PHF12: variants seen among roughly 807,000 people sequenced by gnomAD.
PHF12 encodes the protein PHD finger protein 12, also known as PHD factor 1.
A neutral mutation model predicts 99.8 loss-of-function variants in PHF12; 6 were observed. That is an observed-to-expected ratio of 0.06 (90% CI 0.03 to 0.12). The LOEUF (loss-of-function observed/expected upper bound fraction) is 0.12, where lower values mean the gene tolerates loss of function less well. PHF12 is among the 10% of genes least tolerant of loss of function. The probability of loss-of-function intolerance (pLI) is 1.00; values close to 1 mark genes in which losing one functional copy is unlikely to be tolerated. For missense variants in PHF12, 954 were observed against 1,300.1 expected (o/e 0.73, Z 4.09); for synonymous variants, 480 against 514.9 (o/e 0.93, Z 0.92).
At position 28,910,287 on chromosome 17, in the gene PHF12, G is replaced by A; in HGVS notation, c.2298C>T (p.Val766=). 6.2e-7 allele frequency: 1 copy of A among 1,614,208 alleles called. No individual in the cohort carries two copies. Among genetic ancestry groups the A allele is most frequent in the Non-Finnish European group, 8.5e-7 (1 of 1,180,036 alleles). Reference sequence around the variant, plus strand: ...TCCCGACACTGCCCGGTGAAGGTTGGACCCGGGAGGGGAAAAGCTGATGTA... The same window carrying A: ...TCCCGACACTGCCCGGTGAAGGTTGAACCCGGGAGGGGAAAAGCTGATGTA... ...QRIHQLFPSR[V]QPSPGSVGTH... is the part of the protein sequence containing the mutation. Residue 766 remains valine (V), a synonymous_variant, in exon 11 of 15, where the codon GTC becomes GTT. Transcript: ENST00000332830.
In PHF12 at chr17:28,906,053, T is replaced by C. The variant is rs955935813; in HGVS notation, c.*130A>G. The C allele has an allele frequency of 4.1e-5, 37 of 898,754 alleles. No individual in the cohort carries two copies. The highest frequency in any genetic ancestry group is 4.1e-4 in the African/African-American group (24 of 59,252). The allele number at this position is 898,754 out of a possible 1,614,324, so 55.7% of individuals were successfully genotyped here. On this transcript the variant is annotated 3_prime_UTR_variant, in exon 15 of 15. Coordinates refer to ENST00000332830, the MANE Select transcript of PHF12 (RefSeq NM_001033561.2). This position sits in a 1 kb window ranked among gnomAD's most constrained non-coding sequence, Gnocchi z 4.2. ...AAAACAGTCAAAAGGTTTTCTTCAT[T>C]TCATGCAAAGATTGTAGTTGAAGGG...
Position 28,906,876 on chromosome 17 carries a change from G to T in PHF12, c.2660C>A (p.Ala887Asp). ...CTTACTGATGACACTCTGCACTTTG[G>T]CAACAATACTGCTTGGGGGGGTTGG... The part of the protein sequence containing the change: ...TPPTPPSSIV[A>D]KVQSVIRRRR... Residue 887 changes from alanine (A) to aspartate (D), a missense_variant, in exon 14 of 15, where the codon GCC becomes GAC. This residue lies in a region of PHF12 where 136 missense variants were observed against 172.3 expected (regional missense o/e 0.79). Coordinates refer to ENST00000332830, the MANE Select transcript of PHF12 (RefSeq NM_001033561.2). This position sits in a 1 kb window ranked among gnomAD's most constrained non-coding sequence, Gnocchi z 4.2. The T allele has an allele frequency of 1.9e-6, 3 of 1,607,578 alleles. No homozygotes were observed. Among genetic ancestry groups the T allele is most frequent in the Non-Finnish European group, 2.5e-6 (3 of 1,177,084 alleles).
In PHF12 at chr17:28,907,644, G is replaced by A. The variant is rs1439604305; in HGVS notation, c.2487C>T (p.Asn829=). 1 of 1,613,956 alleles carries A rather than the reference G, an allele frequency of 6.2e-7. No homozygotes were observed. The highest frequency in any genetic ancestry group is 1.1e-5 in the South Asian group (1 of 91,074). The change falls in exon 13 of 15, where the codon AAC becomes AAT. Residue 829 remains asparagine (N), a synonymous_variant. Coordinates refer to ENST00000332830, the MANE Select transcript of PHF12 (RefSeq NM_001033561.2). Reference sequence around the variant, plus strand: ...CGGACACGTAGTTACAGTGACCATAGTTTGTAAGGCACACATCCATGTCAG... The same window carrying A: ...CGGACACGTAGTTACAGTGACCATAATTTGTAAGGCACACATCCATGTCAG... The part of the protein sequence containing the change: ...TGADMDVCLT[N]YGHCNYVSGK...
In PHF12 at chr17:28,949,744, C is replaced by T; in HGVS notation, c.248+321G>A. The stretch of plus-strand genomic sequence containing the variant: ...CAGGCAAGCGGCACTGGGCCCGGAG[C>T]TCCTCCCCTTCCTCCCCCGCCACTG... On this transcript the variant is annotated intron_variant, in intron 2 of 14. Coordinates refer to ENST00000332830, the MANE Select transcript of PHF12 (RefSeq NM_001033561.2). This position sits in a 1 kb window ranked among gnomAD's most constrained non-coding sequence, Gnocchi z 4.6. 1 of 237,158 alleles carries T rather than the reference C, an allele frequency of 4.2e-6. No individual in the cohort carries two copies. The highest frequency in any genetic ancestry group is 1.0e-4 in the South Asian group (1 of 9,902). 14.7% of individuals were successfully genotyped at this position (237,158 alleles called of 1,614,324 possible).
rs371345741 is a variant in PHF12, at chr17:28,938,884, GC to G, written c.248+11180del. Among the ~76,000 whole-genome samples, 68 of 152,264 alleles carry G rather than the reference GC, an allele frequency of 4.5e-4. No homozygotes were observed. In the East Asian group the frequency reaches 0.011, roughly 25 times the overall value. On this transcript the variant is annotated intron_variant, in intron 2 of 14. Coordinates refer to ENST00000332830, the MANE Select transcript of PHF12 (RefSeq NM_001033561.2). ...TATGAGTTGAACATACTTCTCCAGAGCCATGATTTTCCCCTTTGGTCCACTT... is the reference window on the plus strand; with the variant it reads ...TATGAGTTGAACATACTTCTCCAGAGCATGATTTTCCCCTTTGGTCCACTT...
Position 28,917,405 on chromosome 17 carries a change from A to G in PHF12, c.1014T>C (p.Phe338=). The G allele has an allele frequency of 6.2e-7, 1 of 1,613,946 alleles. No homozygotes were observed. Among genetic ancestry groups the G allele is most frequent in the Non-Finnish European group, 8.5e-7 (1 of 1,179,904 alleles). Reference sequence around the variant, plus strand: ...GCGAAACGGTGTCCTGGAAACGATCAAACACCTGGCACCGATTGCTCAGTG... The same window carrying G: ...GCGAAACGGTGTCCTGGAAACGATCGAACACCTGGCACCGATTGCTCAGTG... ...NMTLSNRCQV[F]DRFQDTVSQH... Residue 338 remains phenylalanine (F), a synonymous_variant, in exon 7 of 15, where the codon TTT becomes TTC. Coordinates refer to ENST00000332830, the MANE Select transcript of PHF12 (RefSeq NM_001033561.2).
chr17:28,912,150 T>A (rs1286306392), intron 9 of PHF12: 1 of 1,129,194 alleles, frequency 8.9e-7, no homozygotes, highest in East Asian at 4.9e-5. Flanking sequence ...CCCTGCCTTC[T>A]TTTAAGGTGA....
At chr17:28,923,653 C>CAGAAAAAAAAAAAAAAAAAA (rs2040209097) in intron 4 of PHF12, among the ~76,000 whole-genome samples, 1 of 43,488 alleles carries the variant, frequency 2.3e-5, no homozygotes, top group Non-Finnish European at 4.1e-5. Flanking sequence ...GTGAGACTCA[C>CAGAAAAAAAAAAAAAAAAAA]AAAAAAAAAA....
chr17:28,908,989 C>T (rs2152655582), intron 11 of PHF12, 108 bp from the exon 12 acceptor site: 1 of 1,002,518 alleles, frequency 1.0e-6, no homozygotes, highest in Non-Finnish European at 1.5e-6. Flanking sequence ...GAAAATCCCG[C>T]TGGATGACTC....
chr17:28,932,763 T>C (rs149151715), intron 2 of PHF12, among the ~76,000 whole-genome samples: 4 of 152,060 alleles, frequency 2.6e-5, no homozygotes, highest in Admixed American at 6.5e-5. Flanking sequence ...CTGGCCAACA[T>C]GGCAAAACCC....
Position 28,906,245 on chromosome 17 carries a change from C to A in PHF12, c.2953G>T (p.Ala985Ser), listed in dbSNP as rs113754622. ...DASLLQDGVL[A>S]EKLSLKPHQG... ...TGGGGCTTGAGAGAGAGCTTCTCGG[C>A]CAAGACCCCATCCTGCAGCAGGCTG... is the stretch of plus-strand genomic sequence containing the variant. The change falls in exon 15 of 15, where the codon GCC becomes TCC. Residue 985 changes from alanine to serine, a missense_variant. Physicochemically the swap from Ala to Ser is moderately conservative, Grantham distance 99. Around this residue, in one of 8 missense-constraint regions of PHF12, gnomAD observed 136 missense variants for 172.3 expected, o/e 0.79. Transcript: ENST00000332830. The surrounding 1 kb of genome is among the most constrained non-coding windows in gnomAD (Gnocchi z 4.2). The A allele has an allele frequency of 3.1e-6, 5 of 1,613,150 alleles. 1 individual carries two copies. The African/African-American group carries it at 5.3e-5, about 17-fold the overall frequency.
At chr17:28,907,368 C>T in intron 13 of PHF12, 1 of 565,002 alleles carries the variant, frequency 1.8e-6, no homozygotes, top group Non-Finnish European at 3.1e-6. Flanking sequence ...CTGTGACTAA[C>T]CTCAGGAAAA....
intron 2 of PHF12, among the ~76,000 whole-genome samples, chr17:28,938,952 G>T (rs8076046): frequency 2.0e-5 from 3 of 152,142 alleles, no homozygotes; most frequent in African/African-American, 4.8e-5. Flanking sequence ...TCACCCTAAA[G>T]GTCTGCATGT....
intron 10 of PHF12, chr17:28,910,664 G>T (rs1034920226): frequency 4.3e-6 from 2 of 460,150 alleles, no homozygotes; most frequent in South Asian, 2.5e-5. Flanking sequence ...GCCTGTCTGT[G>T]GGGGAGGGCC....
At chr17:28,918,312 G>C (rs1420725934) in intron 6 of PHF12, among the ~76,000 whole-genome samples, 1 of 152,066 alleles carries the variant, frequency 6.6e-6, no homozygotes, top group African/African-American at 2.4e-5. Flanking sequence ...TGGTTCATCA[G>C]GAAGCAAAAC....
chr17:28,907,243 A>G (rs1390196947), intron 13 of PHF12: 1 of 535,142 alleles, frequency 1.9e-6, no homozygotes, highest in Non-Finnish European at 3.3e-6. Context: ...TCCTCTTGGT[A>G]TGATACTCAC....
Position 28,908,962 on chromosome 17 carries a change from T to C in PHF12, c.2360-81A>G, listed in dbSNP as rs73266403. ...ACATAAACCAACAAAATCTGGACCT[T>C]TGGCTCATGGCCTGGAGAAAATCCC... On this transcript the variant is annotated intron_variant, in intron 11 of 14. Transcript: ENST00000332830. The C allele has an allele frequency of 2.7e-3, 3,570 of 1,312,924 alleles. 86 individuals are homozygous for C. The African/African-American group carries it at 0.045, about 17-fold the overall frequency. The allele number at this position is 1,312,924 out of a possible 1,614,324, so 81.3% of individuals were successfully genotyped here.
At chr17:28,911,996 G>T in intron 9 of PHF12, 2 of 778,750 alleles carry the variant, frequency 2.6e-6, no homozygotes, top group Non-Finnish European at 3.1e-6. Context: ...CTGCTGTCTA[G>T]CCCTGCTTCC....
chr17:28,907,132 C>T (rs2039885358), intron 13 of PHF12, 138 bp from the exon 14 acceptor site: 5 of 1,020,294 alleles, frequency 4.9e-6, no homozygotes, highest in Non-Finnish European at 5.6e-6. Context: ...GGCCCCTGTC[C>T]TTTCAGAAGG....
Sources: allele counts gnomAD v4.1 joint callset (sites outside exome capture counted in the v4.1 genomes callset), GRCh38; gene constraint gnomAD v4.1.1; regional missense constraint gnomAD v4.1.1; non-coding constraint Gnocchi (gnomAD v3.1); transcripts MANE v1.5; gene names NCBI Gene and HGNC (gene_info 2026-07-23, HGNC 2026-07-21).